The following MAGI1 variants were observed in gnomAD, a reference collection of about 807,000 sequenced individuals.
The protein encoded by MAGI1 is membrane associated guanylate kinase, WW and PDZ domain containing 1.
MAGI1 carries 58 observed loss-of-function variants against 139.9 expected under a neutral mutation model. The ratio of observed to expected loss-of-function variants is 0.41; its 90% CI spans 0.34 to 0.52. The LOEUF (loss-of-function observed/expected upper bound fraction) is 0.52. Ranked by LOEUF, MAGI1 falls within the 20% of genes least tolerant of loss-of-function variation. The probability of loss-of-function intolerance (pLI) is 0.12; values close to 1 mark genes in which losing one functional copy is unlikely to be tolerated. For missense variants in MAGI1, 1,874 were observed against 1,901.6 expected, an observed-to-expected ratio of 0.99 and a Z score of 0.27; for synonymous variants, 812 against 737.9, an observed-to-expected ratio of 1.10 and a Z score of -1.63.
chr3:65,877,006 G>A (rs2060143015), intron 1 of MAGI1, among the ~76,000 whole-genome samples: 1 of 152,138 alleles, frequency 6.6e-6, no homozygotes, highest in South Asian at 2.1e-4. Context: ...GCCTCCCAAA[G>A]TGCTGGGATT....
chr3:65,940,334 A>G (rs1361392682), intron 1 of MAGI1, among the ~76,000 whole-genome samples: 3 of 152,234 alleles, frequency 2.0e-5, no homozygotes, highest in Non-Finnish European at 4.4e-5. Context: ...TCACTTATAA[A>G]TAACAGAAAT....
At chr3:65,876,513 C>T (rs538762168) in intron 1 of MAGI1, among the ~76,000 whole-genome samples, 2 of 152,010 alleles carry the variant, frequency 1.3e-5, no homozygotes, top group East Asian at 3.9e-4. Flanking sequence ...CCAGGGATAA[C>T]AGAAAATAAC....
intron 18 of MAGI1, among the ~76,000 whole-genome samples, chr3:65,373,221 T>C (rs1218697825): frequency 2.0e-5 from 3 of 152,186 alleles, no homozygotes; most frequent in Admixed American, 6.5e-5. Flanking sequence ...TGTAAGGTTA[T>C]TTATTGTCCT....
intron 1 of MAGI1, among the ~76,000 whole-genome samples, chr3:65,853,539 T>C (rs573949756): frequency 3.5e-4 from 54 of 152,242 alleles, no homozygotes; most frequent in African/African-American, 1.3e-3. Flanking sequence ...TTGGAATGTA[T>C]CAAAACGTAT....
chr3:65,828,697 A>C (rs1217089198), intron 1 of MAGI1, among the ~76,000 whole-genome samples: 1 of 152,338 alleles, frequency 6.6e-6, no homozygotes, highest in East Asian at 1.9e-4. Context: ...ACATTACAAA[A>C]GGATTTTGCA....
At chr3:65,445,352 C>A (rs530322086) in intron 7 of MAGI1, among the ~76,000 whole-genome samples, 2 of 152,280 alleles carry the variant, frequency 1.3e-5, no homozygotes, top group African/African-American at 4.8e-5. Flanking sequence ...AAGTGTCCAA[C>A]AAATGGCAGC....
intron 1 of MAGI1, among the ~76,000 whole-genome samples, chr3:65,770,308 A>G (rs1458767360): frequency 6.6e-6 from 1 of 152,220 alleles, no homozygotes; most frequent in Non-Finnish European, 1.5e-5. Context: ...AAATTGGTCA[A>G]GCACTAATTA....
intron 1 of MAGI1, among the ~76,000 whole-genome samples, chr3:65,857,537 CG>C (rs1357763596): frequency 6.6e-6 from 1 of 152,130 alleles, no homozygotes; most frequent in Admixed American, 6.5e-5. Context: ...CTGGGTCACA[CG>C]GTTCAGGGTC....
At chr3:65,408,928 G>A (rs150285493) in intron 12 of MAGI1, among the ~76,000 whole-genome samples, 4 of 152,336 alleles carry the variant, frequency 2.6e-5, no homozygotes, top group African/African-American at 4.8e-5. Flanking sequence ...ATTCTGTGGG[G>A]AGACAGAATA....
intron 1 of MAGI1, among the ~76,000 whole-genome samples, chr3:65,716,179 C>T (rs920406213): frequency 6.6e-6 from 1 of 152,194 alleles, no homozygotes; most frequent in Non-Finnish European, 1.5e-5. Flanking sequence ...GACTGAGACA[C>T]TGTATCAGAT....
intron 6 of MAGI1, among the ~76,000 whole-genome samples, chr3:65,449,545 T>C (rs1186925166): frequency 2.0e-5 from 3 of 152,008 alleles, no homozygotes; most frequent in Non-Finnish European, 2.9e-5. Flanking sequence ...GAGGCCAAAG[T>C]GGGTGGATCA....
At chr3:65,625,207 T>A (rs1331300723) in intron 1 of MAGI1, among the ~76,000 whole-genome samples, 2 of 152,172 alleles carry the variant, frequency 1.3e-5, no homozygotes, top group African/African-American at 4.8e-5. Flanking sequence ...TTAATAACAT[T>A]GGTTTATATA....
intron 1 of MAGI1, among the ~76,000 whole-genome samples, chr3:66,025,208 G>A (rs61638992): frequency 0.013 from 1,940 of 152,316 alleles, 45 homozygotes; most frequent in African/African-American, 0.039. Context: ...TGCAGTCACT[G>A]AAATAGTCAA....
At chr3:65,770,004 T>G (rs2037819756) in intron 1 of MAGI1, among the ~76,000 whole-genome samples, 1 of 152,144 alleles carries the variant, frequency 6.6e-6, no homozygotes, top group Non-Finnish European at 1.5e-5. Context: ...ATGAGGAGAT[T>G]TACGTGCCAT....
chr3:65,698,141 T>G (rs1299574237), intron 1 of MAGI1, among the ~76,000 whole-genome samples: 5 of 112,036 alleles, frequency 4.5e-5, no homozygotes, highest in Admixed American at 8.2e-5. Flanking sequence ...TCAAAGAGAA[T>G]AAAATACCTA....
At chr3:65,565,406 G>T (rs913985074) in intron 2 of MAGI1, among the ~76,000 whole-genome samples, 1 of 152,118 alleles carries the variant, frequency 6.6e-6, no homozygotes, top group Admixed American at 6.5e-5. Context: ...GACAGTAGTA[G>T]TTAAGAAAAT....
Position 65,540,820 on chromosome 3 carries a change from C to T in MAGI1, c.431-47189G>A, listed in dbSNP as rs2079174037. Among the ~76,000 whole-genome samples the T allele has an allele frequency of 2.0e-5, 3 of 152,146 alleles. No homozygotes were observed. In the South Asian group the frequency reaches 6.2e-4, roughly 32 times the overall value. On this transcript the variant is annotated intron_variant, in intron 2 of 22. Coordinates refer to ENST00000402939, the MANE Select transcript of MAGI1 (RefSeq NM_001033057.2). The stretch of plus-strand genomic sequence containing the variant: ...TTCTTCCACATGGTGACTGCAAATG[C>T]AGCCATGTTGGTAAAATATAATAAC...
chr3:65,637,718 T>A (rs1430811224), intron 1 of MAGI1, among the ~76,000 whole-genome samples: 1 of 152,196 alleles, frequency 6.6e-6, no homozygotes, highest in East Asian at 1.9e-4. Flanking sequence ...AGGGCTGTTG[T>A]GCGAAAGGCA....
At chr3:65,947,735 G>C (rs1032501717) in intron 1 of MAGI1, among the ~76,000 whole-genome samples, 3 of 151,922 alleles carry the variant, frequency 2.0e-5, no homozygotes, top group African/African-American at 7.3e-5. Context: ...TCCCACATCA[G>C]CCTCCTGAGT....
Sources: gnomAD v4.1 joint callset for allele counts (sites outside exome capture counted in the v4.1 genomes callset) on GRCh38, gnomAD v4.1.1 for gene constraint, MANE v1.5 for transcripts, NCBI Gene and HGNC (gene_info 2026-07-23, HGNC 2026-07-21) for gene names.